The following PRKG1 variants were observed in gnomAD, a reference collection of about 807,000 sequenced individuals.
PRKG1 encodes the protein cGMP-dependent protein kinase 1.
PRKG1 carries 35 observed loss-of-function variants against 88.1 expected under a neutral mutation model. That is an observed-to-expected ratio of 0.40 (90% CI 0.30 to 0.53). The LOEUF (loss-of-function observed/expected upper bound fraction) is 0.53. PRKG1 is among the 20% of genes least tolerant of loss of function. The pLI, the probability that PRKG1 is intolerant of heterozygous loss-of-function variation, is 0.59. For synonymous variants in PRKG1, 303 were observed against 292.5 expected (o/e 1.04, Z -0.37); for missense variants, 540 against 839.8 (o/e 0.64, Z 4.41).
intron 3 of PRKG1, among the ~76,000 whole-genome samples, chr10:51,535,862 A>G (rs927752259): frequency 5.9e-5 from 9 of 151,906 alleles, no homozygotes; most frequent in African/African-American, 2.2e-4. Flanking sequence ...AGCTGGGACT[A>G]CAGTCTCATG....
chr10:51,743,990 T>C (rs575558378), intron 3 of PRKG1, among the ~76,000 whole-genome samples: 26 of 151,776 alleles, frequency 1.7e-4, no homozygotes, highest in African/African-American at 6.3e-4. Context: ...ACTTTTATAA[T>C]TGTAGCTTGT....
intron 5 of PRKG1, among the ~76,000 whole-genome samples, chr10:52,049,572 A>C (rs974147143): frequency 2.0e-5 from 3 of 152,114 alleles, no homozygotes; most frequent in Admixed American, 6.6e-5. Flanking sequence ...GGCAGTGAGA[A>C]AAATAGAGGG....
At chr10:51,554,259 T>A (rs1472922263) in intron 3 of PRKG1, among the ~76,000 whole-genome samples, 1 of 147,202 alleles carries the variant, frequency 6.8e-6, no homozygotes, top group African/African-American at 2.5e-5. Context: ...TATACATATA[T>A]CTTAGGTTAT....
intron 5 of PRKG1, among the ~76,000 whole-genome samples, chr10:52,040,824 T>C (rs34610730): frequency 7.2e-6 from 1 of 138,906 alleles, no homozygotes; most frequent in East Asian, 2.1e-4. Flanking sequence ...TTGTCATAAA[T>C]GGCTTTTCTT....
intron 2 of PRKG1, among the ~76,000 whole-genome samples, chr10:51,216,820 TA>T (rs1378635324): frequency 3.3e-5 from 5 of 152,172 alleles, no homozygotes; most frequent in African/African-American, 9.6e-5. Flanking sequence ...CAGGGGGATT[TA>T]AAAAGTATAT....
intron 2 of PRKG1, among the ~76,000 whole-genome samples, chr10:51,347,970 G>A (rs1396090593): frequency 6.6e-6 from 1 of 152,074 alleles, no homozygotes; most frequent in African/African-American, 2.4e-5. Context: ...GGCTGAGGCA[G>A]GACAATGGCG....
chr10:52,138,656 G>T (rs764597472), intron 8 of PRKG1, among the ~76,000 whole-genome samples: 2 of 152,046 alleles, frequency 1.3e-5, no homozygotes, highest in Non-Finnish European at 2.9e-5. Context: ...TTGTTATTGG[G>T]ACAGTCTAGG....
chr10:51,435,425 C>CATATATATATATATATGTCATATGACAT (rs1838895627), intron 2 of PRKG1, among the ~76,000 whole-genome samples: 1 of 144,214 alleles, frequency 6.9e-6, no homozygotes, highest in African/African-American at 2.6e-5. Flanking sequence ...ACATTACTGA[C>CATATATATATATATATGTCATATGACAT]ATATATATAT....
chr10:51,273,207 T>C (rs1020270092), intron 2 of PRKG1, among the ~76,000 whole-genome samples: 7 of 152,118 alleles, frequency 4.6e-5, no homozygotes, highest in Non-Finnish European at 7.4e-5. Flanking sequence ...AAATTTGATA[T>C]GAATGACCAT....
At chr10:51,876,728 C>G (rs1353227117) in intron 4 of PRKG1, among the ~76,000 whole-genome samples, 1 of 152,168 alleles carries the variant, frequency 6.6e-6, no homozygotes, top group Non-Finnish European at 1.5e-5. Flanking sequence ...TGGTTTGTGC[C>G]TCCATGTGGC....
rs185244796 is a variant in PRKG1, at chr10:51,913,175, C to T, written c.762+5605C>T. ...AACGCCTGACCTCAGGTGATCCGCCCGCCTTGGCCTCACAAAGTGCTGGGA... is the reference window on the plus strand; with the variant it reads ...AACGCCTGACCTCAGGTGATCCGCCTGCCTTGGCCTCACAAAGTGCTGGGA... On this transcript the variant is annotated intron_variant, in intron 5 of 17. Transcript: ENST00000373980. 3.4e-3 allele frequency among the ~76,000 whole-genome samples: 525 copies of T among 152,246 alleles called. 4 individuals are homozygous for T. The highest frequency in any genetic ancestry group is 0.024 in the Middle Eastern group (7 of 294).
intron 5 of PRKG1, among the ~76,000 whole-genome samples, chr10:51,950,676 T>A (rs1367388081): frequency 1.3e-5 from 2 of 152,248 alleles, no homozygotes; most frequent in Non-Finnish European, 2.9e-5. Context: ...TAATTAGTTC[T>A]TTTAGTTCCA....
At chr10:52,166,795 A>ATATATATGTATATATATG in intron 9 of PRKG1, among the ~76,000 whole-genome samples, 1 of 23,654 alleles carries the variant, frequency 4.2e-5, no homozygotes, top group African/African-American at 1.9e-4. Context: ...GCCTATATAT[A>ATATATATGTATATATATG]TACATATATA....
chr10:51,795,743 G>A (rs992010170), intron 3 of PRKG1, among the ~76,000 whole-genome samples: 8 of 152,138 alleles, frequency 5.3e-5, no homozygotes, highest in African/African-American at 1.9e-4. Flanking sequence ...AGTACCTTAT[G>A]ATGTGAGCTG....
At chr10:51,635,358 TA>T (rs2132287753) in intron 3 of PRKG1, among the ~76,000 whole-genome samples, 1 of 151,166 alleles carries the variant, frequency 6.6e-6, no homozygotes, top group South Asian at 2.1e-4. Context: ...ATGCAATATG[TA>T]AATATAAGCT....
intron 5 of PRKG1, among the ~76,000 whole-genome samples, chr10:52,051,603 T>C (rs569199519): frequency 6.6e-6 from 1 of 152,334 alleles, no homozygotes; most frequent in South Asian, 2.1e-4. Context: ...CCATTATTAC[T>C]AATAAAATCT....
At chr10:51,972,312 T>A (rs187766300) in intron 5 of PRKG1, among the ~76,000 whole-genome samples, 1 of 152,302 alleles carries the variant, frequency 6.6e-6, no homozygotes, top group Admixed American at 6.5e-5. Context: ...ATAATTAACT[T>A]AACCATTCCC....
chr10:51,527,274 T>G (rs1303252588), intron 3 of PRKG1, among the ~76,000 whole-genome samples: 1 of 151,958 alleles, frequency 6.6e-6, no homozygotes, highest in Non-Finnish European at 1.5e-5. Flanking sequence ...TAATAAAATA[T>G]AATTCTGTAT....
At chr10:51,376,831 C>T (rs546321167) in intron 2 of PRKG1, among the ~76,000 whole-genome samples, 2 of 152,208 alleles carry the variant, frequency 1.3e-5, no homozygotes, top group South Asian at 4.1e-4. Context: ...CCTGCCACAA[C>T]GCTCAGCTAA....
Sources: gnomAD v4.1 joint callset for allele counts (sites outside exome capture counted in the v4.1 genomes callset) on GRCh38, gnomAD v4.1.1 for gene constraint, MANE v1.5 for transcripts, NCBI Gene and HGNC (gene_info 2026-07-23, HGNC 2026-07-21) for gene names.